The following VPS13B variants were observed in gnomAD, a reference collection of about 807,000 sequenced individuals.
VPS13B encodes the protein vacuolar protein sorting 13 homolog B.
In VPS13B, 285 loss-of-function variants were observed where a neutral mutation model predicts 426.4. That is an observed-to-expected ratio of 0.67 (90% CI 0.61 to 0.74). The LOEUF is 0.74. Among genes scored for constraint, VPS13B ranks in the 30% least tolerant of loss-of-function variants. The pLI is 0.00. For synonymous variants in VPS13B, 1,676 were observed against 1,676.4 expected, an observed-to-expected ratio of 1.00 and a Z score of 0.01; for missense variants, 4,537 against 4,782.6, an observed-to-expected ratio of 0.95 and a Z score of 1.51.
intron 15 of VPS13B, among the ~76,000 whole-genome samples, chr8:99,162,651 C>T (rs935696056): frequency 1.3e-5 from 2 of 152,000 alleles, no homozygotes; most frequent in African/African-American, 4.8e-5. Flanking sequence ...TGGAGTTGTT[C>T]GTTCCTCCCG....
chr8:99,411,101 A>G (rs1007556064), intron 21 of VPS13B, among the ~76,000 whole-genome samples: 1 of 152,192 alleles, frequency 6.6e-6, no homozygotes, highest in African/African-American at 2.4e-5. Context: ...GCTGGATCAA[A>G]TGGTATTTCT....
At chr8:99,437,760 G>A (rs1817464926) in intron 22 of VPS13B, among the ~76,000 whole-genome samples, 3 of 151,902 alleles carry the variant, frequency 2.0e-5, no homozygotes, top group Admixed American at 2.0e-4. Context: ...AACTTTGGGG[G>A]CCTTTTAACA....
chr8:99,180,137 A>G (rs920595844), intron 16 of VPS13B, among the ~76,000 whole-genome samples: 3 of 152,164 alleles, frequency 2.0e-5, no homozygotes, highest in Non-Finnish European at 4.4e-5. Context: ...TTTTAAATTA[A>G]CTTGTCTAGA....
At chr8:99,365,700 A>G (rs1812837881) in intron 19 of VPS13B, among the ~76,000 whole-genome samples, 1 of 151,702 alleles carries the variant, frequency 6.6e-6, no homozygotes, top group African/African-American at 2.4e-5. Context: ...TATTTTTAGT[A>G]GAGATGGGGT....
At position 99,635,588 on chromosome 8, in the gene VPS13B, T is replaced by G. The variant is rs1166171487; in HGVS notation, c.5221-6223T>G. Among the ~76,000 whole-genome samples the G allele has an allele frequency of 2.6e-5, 4 of 152,030 alleles. No homozygotes were observed. The East Asian group carries it at 7.7e-4, about 29-fold the overall frequency. ...ATAGATGCTGAATTTCCTTTTCTTG[T>G]CAGCCATCAAAACAAAAATTGTATT... On this transcript the variant is annotated intron_variant, in intron 33 of 61. Transcript: ENST00000357162.
intron 15 of VPS13B, among the ~76,000 whole-genome samples, chr8:99,166,907 T>C (rs1419030500): frequency 2.0e-5 from 3 of 152,098 alleles, no homozygotes; most frequent in Non-Finnish European, 2.9e-5. Flanking sequence ...CAATAAACCA[T>C]TGTGAGAAAG....
chr8:99,237,919 T>C (rs1027747538), intron 17 of VPS13B, among the ~76,000 whole-genome samples: 16 of 151,678 alleles, frequency 1.1e-4, no homozygotes, highest in African/African-American at 3.9e-4. Flanking sequence ...CTGAAACTCT[T>C]AATGGCCTTC....
intron 31 of VPS13B, among the ~76,000 whole-genome samples, chr8:99,571,111 T>G (rs1167127063): frequency 1.3e-5 from 2 of 152,182 alleles, no homozygotes; most frequent in African/African-American, 4.8e-5. Context: ...AATCCTTGCC[T>G]TATCTCAAAT....
chr8:99,539,638 T>C (rs1823453005), intron 30 of VPS13B, among the ~76,000 whole-genome samples: 1 of 152,072 alleles, frequency 6.6e-6, no homozygotes, highest in Non-Finnish European at 1.5e-5. Flanking sequence ...CTTGGGAGGC[T>C]GAGGCTGGAG....
chr8:99,867,049 A>T (rs1162832757), intron 58 of VPS13B, among the ~76,000 whole-genome samples: 1 of 152,192 alleles, frequency 6.6e-6, no homozygotes, highest in Non-Finnish European at 1.5e-5. Context: ...ATAAACTTAA[A>T]TGTCTCTGTC....
At chr8:99,532,776 T>C (rs570602177) in intron 30 of VPS13B, among the ~76,000 whole-genome samples, 7 of 150,858 alleles carry the variant, frequency 4.6e-5, no homozygotes, top group Non-Finnish European at 7.4e-5. Flanking sequence ...TTGTGTTAAA[T>C]ATTTATGCTA....
intron 21 of VPS13B, among the ~76,000 whole-genome samples, chr8:99,422,641 T>G (rs1296125017): frequency 6.6e-6 from 1 of 152,166 alleles, no homozygotes; most frequent in Non-Finnish European, 1.5e-5. Flanking sequence ...TAATAATTAC[T>G]AATGTACAGA....
rs547034501 is a variant in VPS13B, at chr8:99,622,712, C to T, written c.5221-19099C>T. Among the ~76,000 whole-genome samples the T allele has an allele frequency of 1.6e-4, 25 of 152,226 alleles. No homozygotes were observed. The South Asian group carries it at 5.0e-3, about 30-fold the overall frequency. ...GATTTTTCCCTTTCTCCAATCCTACCGCATCCATAGTCTTTCTCATATTAG... is the reference window on the plus strand; with the variant it reads ...GATTTTTCCCTTTCTCCAATCCTACTGCATCCATAGTCTTTCTCATATTAG... On this transcript the variant is annotated intron_variant, in intron 33 of 61. Coordinates refer to ENST00000357162, the MANE Select transcript of VPS13B (RefSeq NM_152564.5).
At position 99,291,547 on chromosome 8, in the gene VPS13B, G is replaced by A. The variant is rs534767377; in HGVS notation, c.2824+16293G>A. Among the ~76,000 whole-genome samples the A allele has an allele frequency of 2.0e-5, 3 of 152,206 alleles. No individual in the cohort carries two copies. The South Asian group carries it at 6.2e-4, about 32-fold the overall frequency. On this transcript the variant is annotated intron_variant, in intron 19 of 61. Coordinates refer to ENST00000357162, the MANE Select transcript of VPS13B (RefSeq NM_152564.5). ...TGCATTCTAGAGGCTGGTATAGAAA[G>A]TTACTCAGTACAGGGCCCTGGTCAA...
rs1813121816 is a variant in VPS13B at position 99,801,505 on chromosome 8, T to C, written c.7942-7870T>C. The stretch of plus-strand genomic sequence containing the variant: ...TGTGCAGAAAGAACTACTCCCTCCC[T>C]GGTTGTCACATGACAGGTTAGGTTG... On this transcript the variant is annotated intron_variant, in intron 43 of 61. Transcript: ENST00000357162. Among the ~76,000 whole-genome samples, 4 of 152,282 alleles carry C rather than the reference T, an allele frequency of 2.6e-5. No individual in the cohort carries two copies. In the South Asian group the frequency reaches 8.3e-4, roughly 32 times the overall value.
intron 21 of VPS13B, among the ~76,000 whole-genome samples, chr8:99,392,882 A>G (rs2133315732): frequency 6.6e-6 from 1 of 152,214 alleles, no homozygotes; most frequent in Non-Finnish European, 1.5e-5. Flanking sequence ...CCTGTGCCTC[A>G]TTTTGTATCA....
intron 19 of VPS13B, among the ~76,000 whole-genome samples, chr8:99,309,068 A>G (rs1333120256): frequency 6.6e-6 from 1 of 152,032 alleles, no homozygotes; most frequent in Non-Finnish European, 1.5e-5. Context: ...TTCATTGTAG[A>G]TTCTGGATAT....
chr8:99,654,617 T>C (rs1829953427), intron 34 of VPS13B, among the ~76,000 whole-genome samples: 1 of 152,192 alleles, frequency 6.6e-6, no homozygotes, highest in East Asian at 1.9e-4. Context: ...TGACCTCTTA[T>C]TGCAGAGGAT....
chr8:99,715,701 A>G (rs1436460711), intron 36 of VPS13B, among the ~76,000 whole-genome samples: 1 of 152,218 alleles, frequency 6.6e-6, no homozygotes, highest in East Asian at 1.9e-4. Context: ...GTGTATTTGA[A>G]AATAAAGGAT....
Sources: gnomAD v4.1 joint callset for allele counts (sites outside exome capture counted in the v4.1 genomes callset) on GRCh38, gnomAD v4.1.1 for gene constraint, MANE v1.5 for transcripts, NCBI Gene and HGNC (gene_info 2026-07-23, HGNC 2026-07-21) for gene names.